The following CNTNAP3B variants were observed in gnomAD, a reference collection of about 807,000 sequenced individuals.
CNTNAP3B encodes the protein contactin-associated protein-like 3B.
Under a neutral mutation model 108.9 loss-of-function variants are expected in CNTNAP3B, and 25 were observed. That is an observed-to-expected ratio of 0.23 (90% CI 0.17 to 0.32). The LOEUF (loss-of-function observed/expected upper bound fraction) is 0.32. Among genes scored for constraint, CNTNAP3B ranks in the 10% least tolerant of loss-of-function variants. CNTNAP3B has a pLI of 1.00. For missense variants in CNTNAP3B, 252 were observed against 1,210.4 expected (o/e 0.21, Z 11.75); for synonymous variants, 103 against 473.4 (o/e 0.22, Z 10.16).
In CNTNAP3B at chr9:42,035,377, C is replaced by T. The variant is rs553066269; in HGVS notation, c.391-21852G>A. On this transcript the variant is annotated intron_variant, in intron 3 of 23. Transcript: ENST00000377561. ...TCAATATGGCCTGCTCAGAGTTGAG[C>T]AGCCTGTCAATGACAGAGCTGGATT... Among the ~76,000 whole-genome samples, 16 of 146,538 alleles carry T rather than the reference C, an allele frequency of 1.1e-4. No individual in the cohort carries two copies. The Middle Eastern group carries it at 0.014, about 125-fold the overall frequency.
chr9:42,064,261 T>C (rs960074524), intron 3 of CNTNAP3B, among the ~76,000 whole-genome samples: 1 of 150,064 alleles, frequency 6.7e-6, no homozygotes, highest in Non-Finnish European at 1.5e-5. Context: ...TTTGTAACAG[T>C]TCTGGAGACT....
At chr9:41,921,788 C>A (rs1823674556) in intron 17 of CNTNAP3B, among the ~76,000 whole-genome samples, 1 of 150,578 alleles carries the variant, frequency 6.6e-6, no homozygotes, top group African/African-American at 2.5e-5. Context: ...ATGAGAGAGC[C>A]CCAGAAGTGA....
chr9:42,118,415 A>T (rs1317787535), intron 1 of CNTNAP3B, among the ~76,000 whole-genome samples: 2 of 139,490 alleles, frequency 1.4e-5, no homozygotes, highest in African/African-American at 5.7e-5. Flanking sequence ...AACAGAACCA[A>T]TGACAAAAAC....
chr9:42,110,691 C>A (rs1828178150), intron 1 of CNTNAP3B, among the ~76,000 whole-genome samples: 1 of 137,602 alleles, frequency 7.3e-6, no homozygotes, highest in Non-Finnish European at 1.6e-5. Context: ...GAAGGGGGTG[C>A]CCATACCTTC....
chr9:41,952,029 A>G (rs1358673952), intron 13 of CNTNAP3B, among the ~76,000 whole-genome samples: 4 of 152,278 alleles, frequency 2.6e-5, no homozygotes, highest in African/African-American at 9.6e-5. Flanking sequence ...CAGTGAGCAA[A>G]GATCGTGCCA....
At position 42,129,187 on chromosome 9, in the gene CNTNAP3B, G is replaced by T. The variant is rs748722898; in HGVS notation, c.-93C>A. 9.6e-5 allele frequency: 141 copies of T among 1,461,262 alleles called. 3 individuals carry two copies. The highest frequency in any genetic ancestry group is 1.2e-4 in the Non-Finnish European group (135 of 1,094,312). The allele number at this position is 1,461,262 out of a possible 1,614,324, so 90.5% of individuals were successfully genotyped here. ...ACTCCCGCTCTCACTCCCGTCCCCT[G>T]CGCGGCTCCGACGCTGCTCTGTCTC... On this transcript the variant is annotated 5_prime_UTR_variant, in exon 1 of 24. Coordinates refer to ENST00000377561, the MANE Select transcript of CNTNAP3B (RefSeq NM_001201380.3).
chr9:41,964,977 T>C (rs1177142149), intron 10 of CNTNAP3B, among the ~76,000 whole-genome samples: 1 of 152,246 alleles, frequency 6.6e-6, no homozygotes, highest in Non-Finnish European at 1.5e-5. Context: ...TCAGTTACTA[T>C]ATTGTGGTCA....
intron 13 of CNTNAP3B, among the ~76,000 whole-genome samples, chr9:41,951,174 C>T (rs574465739): frequency 2.8e-4 from 40 of 144,094 alleles, no homozygotes; most frequent in African/African-American, 1.0e-3. Flanking sequence ...GGGGGAACTG[C>T]TTAACGGCTA....
At chr9:41,935,231 A>G (rs1824120570) in intron 14 of CNTNAP3B, among the ~76,000 whole-genome samples, 1 of 152,288 alleles carries the variant, frequency 6.6e-6, no homozygotes, top group Non-Finnish European at 1.5e-5. Context: ...CTGTCTGATC[A>G]TAAACTTTTT....
Position 41,927,933 on chromosome 9 carries a change from T to C in CNTNAP3B, c.2365+1384A>G, listed in dbSNP as rs1434912355. Among the ~76,000 whole-genome samples the C allele has an allele frequency of 3.8e-5, 4 of 104,854 alleles. No homozygotes were observed. The East Asian group carries it at 1.0e-3, about 27-fold the overall frequency. The allele number at this position is 104,854 out of a possible 152,430, so 68.8% of individuals were successfully genotyped here. A position where few individuals can be genotyped will look rare whatever the true frequency, so the allele number is the denominator to read the frequency against. On this transcript the variant is annotated intron_variant, in intron 15 of 23. Transcript: ENST00000377561. ...GGCAAAGGAAACAAGTCAACAGTCC[T>C]AGATGAAGAGAATCCACCAAATGAA...
At chr9:41,954,814 G>T (rs1228065087) in intron 12 of CNTNAP3B, among the ~76,000 whole-genome samples, 1 of 152,252 alleles carries the variant, frequency 6.6e-6, no homozygotes, top group African/African-American at 2.4e-5. Context: ...CTCACAAGTA[G>T]CTGGGACTAC....
intron 15 of CNTNAP3B, among the ~76,000 whole-genome samples, chr9:41,927,522 G>A (rs966598068): frequency 7.9e-5 from 12 of 151,330 alleles, no homozygotes; most frequent in African/African-American, 2.9e-4. Context: ...TGGGAGGGAG[G>A]AAGGGAAGGA....
intron 1 of CNTNAP3B, among the ~76,000 whole-genome samples, chr9:42,111,239 C>T (rs1337709261): frequency 2.1e-5 from 3 of 139,672 alleles, no homozygotes; most frequent in African/African-American, 8.5e-5. Context: ...GGACTTTCGG[C>T]TTGAACTCTT....
rs148507600 is a variant in CNTNAP3B, at chr9:42,127,724, G to T, written c.85+1286C>A. On this transcript the variant is annotated intron_variant, in intron 1 of 23. Transcript: ENST00000377561. ...TACAGCATCTGACCAAAGCAATCCG[G>T]AGCTTGTTTTTTCGAAGGGCACACC... is the stretch of plus-strand genomic sequence containing the variant. 1.8e-4 allele frequency among the ~76,000 whole-genome samples: 25 copies of T among 139,552 alleles called. 1 individual carries two copies. Among genetic ancestry groups the T allele is most frequent in the Non-Finnish European group, 3.1e-4 (20 of 65,052 alleles). 91.6% of individuals were successfully genotyped at this position (139,552 alleles called of 152,430 possible). A position where few individuals can be genotyped will look rare whatever the true frequency, so the allele number is the denominator to read the frequency against.
At chr9:41,920,848 G>A (rs1482811384) in intron 17 of CNTNAP3B, among the ~76,000 whole-genome samples, 1 of 152,304 alleles carries the variant, frequency 6.6e-6, no homozygotes, top group Admixed American at 6.5e-5. Flanking sequence ...AAGTTGGAAG[G>A]GGTGACACCA....
chr9:42,123,081 C>A (rs1346381545), intron 1 of CNTNAP3B, among the ~76,000 whole-genome samples: 1 of 126,818 alleles, frequency 7.9e-6, no homozygotes, highest in East Asian at 2.4e-4. Flanking sequence ...TTAAATCCCT[C>A]CTTCTGTTAT....
At chr9:42,054,769 A>G (rs1278305913) in intron 3 of CNTNAP3B, among the ~76,000 whole-genome samples, 2 of 151,578 alleles carry the variant, frequency 1.3e-5, no homozygotes, top group East Asian at 1.9e-4. Flanking sequence ...ATCCACTAAT[A>G]AATGTTACAA....
chr9:41,924,391 C>G (rs1285403477), intron 15 of CNTNAP3B, among the ~76,000 whole-genome samples: 8 of 152,290 alleles, frequency 5.3e-5, no homozygotes, highest in Non-Finnish European at 1.2e-4. Context: ...TTCAGAATCA[C>G]CTCAAAGGTA....
intron 15 of CNTNAP3B, chr9:41,926,672 G>A (rs1474258722): frequency 6.6e-6 from 1 of 152,486 alleles, no homozygotes; most frequent in Admixed American, 6.5e-5. Context: ...GTCCGGGCTT[G>A]TGTTGAACTC....
Sources: gnomAD v4.1 joint callset for allele counts (sites outside exome capture counted in the v4.1 genomes callset) on GRCh38, gnomAD v4.1.1 for gene constraint, MANE v1.5 for transcripts, NCBI Gene and HGNC (gene_info 2026-07-23, HGNC 2026-07-21) for gene names.